The following AVL9 variants were observed in gnomAD, a reference collection of about 807,000 sequenced individuals.
AVL9 encodes late secretory pathway protein AVL9 homolog.
Under a neutral mutation model 79.2 loss-of-function variants are expected in AVL9, and 49 were observed. That is an observed-to-expected ratio of 0.62 (90% CI 0.49 to 0.79). AVL9 has a LOEUF of 0.79. Ranked by LOEUF, AVL9 falls within the 30% of genes least tolerant of loss-of-function variation. The pLI is 0.00. For synonymous variants in AVL9, 299 were observed against 280.6 expected (o/e 1.07, Z -0.65); for missense variants, 682 against 776.8 (o/e 0.88, Z 1.45).
At chr7:32,542,748 G>T (rs1789271728) in intron 1 of AVL9, among the ~76,000 whole-genome samples, 1 of 152,054 alleles carries the variant, frequency 6.6e-6, no homozygotes, top group Non-Finnish European at 1.5e-5. Context: ...GTGATTCTGG[G>T]CTCAACTTGG....
At chr7:32,571,176 G>A (rs1190756535) in intron 11 of AVL9, among the ~76,000 whole-genome samples, 1 of 146,448 alleles carries the variant, frequency 6.8e-6, no homozygotes, top group East Asian at 2.0e-4. Flanking sequence ...AGGTTGCAGT[G>A]AGCCAAGATT....
chr7:32,503,345 G>T (rs574566978), intron 1 of AVL9, among the ~76,000 whole-genome samples: 21,399 of 76,478 alleles, frequency 0.28, 2,256 homozygotes, highest in South Asian at 0.44. Context: ...TATATATATA[G>T]ATATAGATAT....
At chr7:32,576,778 CTT>C (rs1157232590) in intron 13 of AVL9, among the ~76,000 whole-genome samples, 1 of 151,900 alleles carries the variant, frequency 6.6e-6, no homozygotes, top group African/African-American at 2.4e-5. Flanking sequence ...AAGAGGGAGA[CTT>C]TGTCTCAAAA....
At chr7:32,520,132 A>G (rs2128123181) in intron 1 of AVL9, among the ~76,000 whole-genome samples, 1 of 152,338 alleles carries the variant, frequency 6.6e-6, no homozygotes, top group East Asian at 1.9e-4. Context: ...ACAAATAACA[A>G]TACATGGATA....
chr7:32,540,515 A>T (rs1463343609), intron 1 of AVL9, among the ~76,000 whole-genome samples: 1 of 152,178 alleles, frequency 6.6e-6, no homozygotes, highest in East Asian at 1.9e-4. Context: ...TATTTTGGTC[A>T]TGCCTGTGGG....
chr7:32,570,573 A>T (rs546873628), intron 11 of AVL9, among the ~76,000 whole-genome samples: 1 of 152,200 alleles, frequency 6.6e-6, no homozygotes, highest in South Asian at 2.1e-4. Flanking sequence ...TTTGACATCA[A>T]TATATACGAA....
chr7:32,518,482 A>C (rs7804609), intron 1 of AVL9, among the ~76,000 whole-genome samples: 52,855 of 146,296 alleles, frequency 0.36, 9,474 homozygotes, highest in East Asian at 0.48. Context: ...ACATTGTTTC[A>C]AAAAAAAAAG....
At chr7:32,548,151 C>CTTTTGTTTTCTTTTTGTTTTTTTTTTT (rs71559236) in intron 3 of AVL9, among the ~76,000 whole-genome samples, 5 of 131,594 alleles carry the variant, frequency 3.8e-5, no homozygotes, top group Admixed American at 7.5e-5. Flanking sequence ...TCTCTTTTTT[C>CTTTTGTTTTCTTTTTGTTTTTTTTTTT]TTTTTTTTTT....
intron 1 of AVL9, chr7:32,538,686 T>G (rs1789030762): frequency 6.6e-6 from 1 of 152,188 alleles, no homozygotes; most frequent in Non-Finnish European, 1.5e-5. Context: ...TTTTCAAGCA[T>G]GTTTTTTAAA....
chr7:32,522,160 C>A (rs1032274500), intron 1 of AVL9, among the ~76,000 whole-genome samples: 1 of 152,230 alleles, frequency 6.6e-6, no homozygotes, highest in Non-Finnish European at 1.5e-5. Flanking sequence ...CACAGAGTCC[C>A]TACTGGGGCA....
At position 32,588,611 on chromosome 7, in the gene AVL9, T is replaced by G. The variant is rs1791897093; in HGVS notation, c.*4704T>G. ...TTATTTCTGTTGTTTTTTTAAATTG[T>G]TAAAATTATAAATCACGTCTAATCA... On this transcript the variant is annotated 3_prime_UTR_variant, in exon 16 of 16. Transcript: ENST00000318709. 6.6e-6 allele frequency: 1 copy of G among 152,180 alleles called. No homozygotes were observed. Among genetic ancestry groups the G allele is most frequent in the Non-Finnish European group, 1.5e-5 (1 of 68,028 alleles). 9.4% of individuals were successfully genotyped at this position (152,180 alleles called of 1,614,324 possible).
At position 32,543,234 on chromosome 7, in the gene AVL9, C is replaced by T; in HGVS notation, c.187C>T (p.Pro63Ser). ...EWKYLPFLAL[P>S]DGAHNYQEDT... ...GAAGTATTTGCCCTTCCTTGCCTTA[C>T]CAGATGGCGCACACAACTACCAGGA... Residue 63 changes from proline (P) to serine (S), a missense_variant, in exon 2 of 16, where the codon CCA becomes TCA. By Grantham distance (74) the Pro-to-Ser change is moderately conservative. Coordinates refer to ENST00000318709, the MANE Select transcript of AVL9 (RefSeq NM_015060.3). The T allele has an allele frequency of 6.2e-7, 1 of 1,614,172 alleles. No homozygotes were observed. Among genetic ancestry groups the T allele is most frequent in the Non-Finnish European group, 8.5e-7 (1 of 1,180,016 alleles).
chr7:32,555,532 A>T (rs1790016599), intron 8 of AVL9, among the ~76,000 whole-genome samples: 1 of 152,148 alleles, frequency 6.6e-6, no homozygotes, highest in South Asian at 2.1e-4. Context: ...AATCTGACCT[A>T]CTACCTATTG....
chr7:32,577,214 A>G (rs528692496), intron 13 of AVL9, among the ~76,000 whole-genome samples: 2 of 152,306 alleles, frequency 1.3e-5, no homozygotes, highest in East Asian at 3.9e-4. Flanking sequence ...GGGTGCCTAT[A>G]GTCCCAGCTA....
intron 12 of AVL9, among the ~76,000 whole-genome samples, chr7:32,575,256 G>A (rs935272667): frequency 5.9e-5 from 9 of 151,960 alleles, no homozygotes; most frequent in Non-Finnish European, 1.0e-4. Context: ...CCGCCACCAC[G>A]CCTGGCTAAT....
intron 4 of AVL9, among the ~76,000 whole-genome samples, chr7:32,549,978 A>G (rs938545828): frequency 1.2e-4 from 12 of 100,448 alleles, no homozygotes; most frequent in South Asian, 3.1e-4. Flanking sequence ...AAAGACCCCA[A>G]TGTCAGAAAA....
chr7:32,563,021 T>C lies in AVL9; in HGVS notation c.1215+3557T>C, dbSNP rs150257006. ...TAACGTGTGCACATCCTTCCATATA[T>C]GGTTTTTGTTGTGTTTTGTTTTGTT... is the stretch of plus-strand genomic sequence containing the variant. On this transcript the variant is annotated intron_variant, in intron 10 of 15. Coordinates refer to ENST00000318709, the MANE Select transcript of AVL9 (RefSeq NM_015060.3). 3.5e-4 allele frequency among the ~76,000 whole-genome samples: 53 copies of C among 152,264 alleles called. 1 individual carries two copies. The East Asian group carries it at 9.8e-3, about 28-fold the overall frequency.
chr7:32,573,220 A>C lies in AVL9; in HGVS notation c.1372A>C (p.Ile458Leu). The C allele has an allele frequency of 6.2e-6, 10 of 1,614,004 alleles. No homozygotes were observed. The highest frequency in any genetic ancestry group is 8.5e-6 in the Non-Finnish European group (10 of 1,179,988). The change falls in exon 12 of 16, where the codon ATC becomes CTC. Residue 458 changes from isoleucine (I) to leucine (L), a missense_variant. Ile to Leu is a conservative substitution (Grantham distance 5). Transcript: ENST00000318709. ...IVEVEEALIQ[I>L]HDPELRKLLN... ...CTAGGTAGAAGAAGCTCTGATCCAG[A>C]TCCATGATCCAGAACTCAGGAAGCT...
chr7:32,578,835 T>G (rs933793239), intron 13 of AVL9, among the ~76,000 whole-genome samples: 2 of 152,134 alleles, frequency 1.3e-5, no homozygotes, highest in African/African-American at 4.8e-5. Context: ...AGACGTCTGT[T>G]GTTATCAGAG....
Sources: gnomAD v4.1 joint callset for allele counts (sites outside exome capture counted in the v4.1 genomes callset) on GRCh38, gnomAD v4.1.1 for gene constraint, MANE v1.5 for transcripts, NCBI Gene and HGNC (gene_info 2026-07-23, HGNC 2026-07-21) for gene names.